The following WDR64 variants were observed in gnomAD, a reference collection of about 807,000 sequenced individuals.
WDR64 encodes the protein WD repeat domain 64, also known as WD repeat-containing protein 64.
WDR64 carries 112 observed loss-of-function variants against 139.3 expected under a neutral mutation model. The observed-to-expected ratio is 0.80, with a 90% CI of 0.69 to 0.94. The LOEUF (loss-of-function observed/expected upper bound fraction) is 0.94. Among genes scored for constraint, WDR64 ranks in the 40% least tolerant of loss-of-function variants. The pLI, the probability that WDR64 is intolerant of heterozygous loss-of-function variation, is 0.00. For missense variants in WDR64, 1,206 were observed against 1,293.1 expected, an observed-to-expected ratio of 0.93 and a Z score of 1.03; for synonymous variants, 444 against 437.7, an observed-to-expected ratio of 1.01 and a Z score of -0.18.
chr1:241,757,709 C>T (rs1246009126), intron 15 of WDR64, among the ~76,000 whole-genome samples: 1 of 145,384 alleles, frequency 6.9e-6, no homozygotes, highest in African/African-American at 2.5e-5. Context: ...GCTACCAACA[C>T]CTGGGCTCAA....
chr1:241,784,952 T>G (rs1658980630), intron 23 of WDR64, among the ~76,000 whole-genome samples: 1 of 55,312 alleles, frequency 1.8e-5, no homozygotes, highest in Admixed American at 2.3e-4. Flanking sequence ...AGACTCTGTC[T>G]GAAAAAAAAA....
At chr1:241,666,404 G>A (rs1374113461) in intron 2 of WDR64, among the ~76,000 whole-genome samples, 3 of 152,070 alleles carry the variant, frequency 2.0e-5, no homozygotes, top group Non-Finnish European at 2.9e-5. Context: ...ATAAATTCAA[G>A]TAATTTGATA....
At chr1:241,699,029 A>T (rs1316162887) in intron 8 of WDR64, among the ~76,000 whole-genome samples, 1 of 152,120 alleles carries the variant, frequency 6.6e-6, no homozygotes, top group Non-Finnish European at 1.5e-5. Flanking sequence ...AAACCATCAA[A>T]TCTCATGAGA....
At chr1:241,784,953 G>GAAAA (rs58720618) in intron 23 of WDR64, among the ~76,000 whole-genome samples, 29 of 62,180 alleles carry the variant, frequency 4.7e-4, no homozygotes, top group African/African-American at 7.1e-4. Context: ...GACTCTGTCT[G>GAAAA]AAAAAAAAAA....
Position 241,741,661 on chromosome 1 carries a change from T to A in WDR64, c.1467T>A (p.Ile489=), listed in dbSNP as rs1286931444. ...QVLTICSESI[I]RVWELETGLQ... is the part of the protein sequence containing the mutation. ...TCACTATCTGCTCTGAATCCATAAT[T>A]AGGGTAAGTACCTATTGGCTTTTCA... Residue 489 remains isoleucine (I), a synonymous_variant, in exon 12 of 28, where the codon ATT becomes ATA. Coordinates refer to ENST00000437684, the MANE Select transcript of WDR64 (RefSeq NM_001367482.1). The A allele has an allele frequency of 6.2e-7, 1 of 1,605,472 alleles. No homozygotes were observed. The highest frequency in any genetic ancestry group is 1.3e-5 in the African/African-American group (1 of 74,722).
intron 15 of WDR64, among the ~76,000 whole-genome samples, chr1:241,763,234 TA>T (rs1036352311): frequency 5.4e-5 from 8 of 148,788 alleles, no homozygotes; most frequent in African/African-American, 1.5e-4. Context: ...AATGATTGCT[TA>T]AAAAAAAAAG....
intron 2 of WDR64, among the ~76,000 whole-genome samples, chr1:241,669,495 C>T (rs1666142751): frequency 6.6e-6 from 1 of 152,048 alleles, no homozygotes; most frequent in Admixed American, 6.6e-5. Context: ...GGTTTTGTAC[C>T]CATAAAAAAT....
intron 25 of WDR64, among the ~76,000 whole-genome samples, chr1:241,790,940 T>C (rs1382356928): frequency 6.6e-6 from 1 of 152,056 alleles, no homozygotes; most frequent in East Asian, 1.9e-4. Context: ...CTGAAGGTTG[T>C]AAGAGAGAAG....
chr1:241,789,757 A>G (rs1438162233), intron 24 of WDR64, among the ~76,000 whole-genome samples: 5 of 152,238 alleles, frequency 3.3e-5, no homozygotes, highest in Middle Eastern at 3.4e-3. Context: ...GAGGAGGGAG[A>G]GGATCAGGAA....
rs766802128 is a variant in WDR64 at position 241,784,953 on chromosome 1, G to GGAAAAAAAAAAAAAA, written c.2705+1572_2705+1573insGAAAAAAAAAAAAAA. The stretch of plus-strand genomic sequence containing the variant: ...TGGGCGACAGAGTGAGACTCTGTCT[G>GGAAAAAAAAAAAAAA]AAAAAAAAAAAAAAAAAAAAAAAGA... On this transcript the variant is annotated intron_variant, in intron 23 of 27. Transcript: ENST00000437684. Among the ~76,000 whole-genome samples, 621 of 62,194 alleles carry GGAAAAAAAAAAAAAA rather than the reference G, an allele frequency of 1.0e-2. 125 individuals are homozygous for GGAAAAAAAAAAAAAA. The highest frequency in any genetic ancestry group is 0.026 in the Middle Eastern group (2 of 76). 40.8% of individuals were successfully genotyped at this position (62,194 alleles called of 152,430 possible).
intron 8 of WDR64, among the ~76,000 whole-genome samples, chr1:241,693,954 T>A (rs1051354628): frequency 2.0e-5 from 3 of 152,150 alleles, no homozygotes; most frequent in Non-Finnish European, 4.4e-5. Flanking sequence ...CGAAAGGAGA[T>A]TGATTGTTAG....
chr1:241,779,969 C>G (rs41308208), intron 21 of WDR64, 35 bp from the exon 22 acceptor site: 65,280 of 1,507,974 alleles, frequency 0.043, 2,481 homozygotes, highest in East Asian at 0.24. Context: ...AACATGATAT[C>G]TAATTAAAGA....
chr1:241,697,985 C>G (rs74150361), intron 8 of WDR64, among the ~76,000 whole-genome samples: 3,517 of 152,218 alleles, frequency 0.023, 140 homozygotes, highest in African/African-American at 0.081. Flanking sequence ...GGTCCTTAGC[C>G]AACTTTTCTT....
intron 10 of WDR64, among the ~76,000 whole-genome samples, chr1:241,730,327 A>G (rs1298233493): frequency 1.3e-5 from 2 of 152,156 alleles, no homozygotes; most frequent in Non-Finnish European, 2.9e-5. Flanking sequence ...CTTCCTTCTG[A>G]GTGTGGCTAT....
intron 25 of WDR64, among the ~76,000 whole-genome samples, chr1:241,792,502 C>G (rs1196437823): frequency 1.3e-5 from 2 of 151,968 alleles, no homozygotes; most frequent in East Asian, 3.9e-4. Context: ...TGCCACTGCA[C>G]TCCAACCTTG....
At chr1:241,675,258 C>CCCTCCTCCCTCCCTCCTTCCTTCCTT (rs1277039678) in intron 4 of WDR64, among the ~76,000 whole-genome samples, 1 of 99,926 alleles carries the variant, frequency 1.0e-5, no homozygotes, top group Non-Finnish European at 1.9e-5. Flanking sequence ...CTTCCTTCCT[C>CCCTCCTCCCTCCCTCCTTCCTTCCTT]CCTCCCTTCC....
chr1:241,698,330 C>A (rs1574018443), intron 8 of WDR64, among the ~76,000 whole-genome samples: 1 of 152,134 alleles, frequency 6.6e-6, no homozygotes, highest in African/African-American at 2.4e-5. Context: ...TGCCTCATAA[C>A]CACTCATGGC....
chr1:241,747,840 A>T (rs904604375), intron 13 of WDR64, among the ~76,000 whole-genome samples: 1 of 152,222 alleles, frequency 6.6e-6, no homozygotes, highest in Admixed American at 6.5e-5. Flanking sequence ...TTACTGTCTT[A>T]CCTAGGGCAG....
At chr1:241,698,569 G>GTGCCCTTCAC (rs1244872081) in intron 8 of WDR64, among the ~76,000 whole-genome samples, 1 of 151,998 alleles carries the variant, frequency 6.6e-6, no homozygotes, top group Non-Finnish European at 1.5e-5. Flanking sequence ...ATCCCCTTCA[G>GTGCCCTTCAC]TGCCCTTCAC....
Sources: allele counts gnomAD v4.1 joint callset (sites outside exome capture counted in the v4.1 genomes callset), GRCh38; gene constraint gnomAD v4.1.1; transcripts MANE v1.5; gene names NCBI Gene and HGNC (gene_info 2026-07-23, HGNC 2026-07-21).